HPSE2: variants seen among roughly 807,000 people sequenced by gnomAD.
HPSE2 encodes the protein heparanase 2 (inactive).
Under a neutral mutation model 60.5 loss-of-function variants are expected in HPSE2, and 38 were observed. The ratio of observed to expected loss-of-function variants is 0.63; its 90% CI spans 0.48 to 0.82. The LOEUF (loss-of-function observed/expected upper bound fraction) is 0.82, where lower values mean the gene tolerates loss of function less well. Among genes scored for constraint, HPSE2 ranks in the 40% least tolerant of loss-of-function variants. The pLI is 0.00. For synonymous variants in HPSE2, 295 were observed against 293.2 expected, an observed-to-expected ratio of 1.01 and a Z score of -0.06; for missense variants, 713 against 740.4, an observed-to-expected ratio of 0.96 and a Z score of 0.43.
intron 3 of HPSE2, among the ~76,000 whole-genome samples, chr10:98,828,364 C>G (rs1951601596): frequency 6.6e-6 from 1 of 152,186 alleles, no homozygotes; most frequent in African/African-American, 2.4e-5. Context: ...TCCAAAGTCA[C>G]AAGGCTAAGT....
chr10:98,951,524 G>C (rs1020999904), intron 3 of HPSE2, among the ~76,000 whole-genome samples: 4 of 152,298 alleles, frequency 2.6e-5, no homozygotes, highest in Middle Eastern at 3.4e-3. Context: ...ATTGTGCACA[G>C]GGCCAGGAAG....
At chr10:98,847,421 T>TAA (rs2134717386) in intron 3 of HPSE2, among the ~76,000 whole-genome samples, 1 of 152,258 alleles carries the variant, frequency 6.6e-6, no homozygotes, top group African/African-American at 2.4e-5. Context: ...GCTAGAGAGG[T>TAA]TACACAGGTA....
intron 9 of HPSE2, among the ~76,000 whole-genome samples, chr10:98,550,466 T>C (rs955278427): frequency 7.1e-6 from 1 of 139,958 alleles, no homozygotes; most frequent in Non-Finnish European, 1.5e-5. Flanking sequence ...GCTAATTCTT[T>C]CTTAAATTTT....
At chr10:98,980,810 T>C (rs1956189019) in intron 3 of HPSE2, among the ~76,000 whole-genome samples, 1 of 152,232 alleles carries the variant, frequency 6.6e-6, no homozygotes, top group African/African-American at 2.4e-5. Context: ...TCTAATATTA[T>C]TGCATAGCTC....
intron 3 of HPSE2, among the ~76,000 whole-genome samples, chr10:98,853,518 C>T (rs1952232932): frequency 6.6e-6 from 1 of 152,086 alleles, no homozygotes; most frequent in Non-Finnish European, 1.5e-5. Context: ...CTTATCACCT[C>T]CCCTTTCTTT....
At position 99,062,505 on chromosome 10, in the gene HPSE2, C is replaced by CT. The variant is rs911872694; in HGVS notation, c.610+81732dup. ...AATATTTTGAGAGCATTTTAAATAG[C>CT]TTTTTTTTTCTGTTGCATTTTTCTC... On this transcript the variant is annotated intron_variant, in intron 3 of 11. Transcript: ENST00000370552. Among the ~76,000 whole-genome samples, 333 of 151,338 alleles carry CT rather than the reference C, an allele frequency of 2.2e-3. 5 individuals are homozygous for CT. Among genetic ancestry groups the CT allele is most frequent in the South Asian group, 6.3e-4 (3 of 4,754 alleles).
At chr10:98,591,765 C>G (rs1945097983) in intron 9 of HPSE2, among the ~76,000 whole-genome samples, 1 of 152,012 alleles carries the variant, frequency 6.6e-6, no homozygotes. Context: ...GAAGAAAGCC[C>G]CTTTGCATTT....
the HPSE2 span, among the ~76,000 whole-genome samples, chr10:99,299,983 T>C: frequency 6.6e-6 from 1 of 150,456 alleles, no homozygotes; most frequent in African/African-American, 2.5e-5. Flanking sequence ...CTCTTAAACA[T>C]TGCTTTTGGG....
At chr10:98,644,401 C>T (rs983174014) in intron 6 of HPSE2, among the ~76,000 whole-genome samples, 2 of 152,146 alleles carry the variant, frequency 1.3e-5, no homozygotes, top group Admixed American at 6.5e-5. Context: ...GCATGCTATC[C>T]GCTGTAGAAC....
chr10:99,294,047 T>C, the HPSE2 span, among the ~76,000 whole-genome samples: 2 of 152,180 alleles, frequency 1.3e-5, no homozygotes, highest in African/African-American at 4.8e-5. Flanking sequence ...CTAAACCTAC[T>C]TAGGGCATGA....
chr10:98,842,979 A>C (rs1047745680), intron 3 of HPSE2, among the ~76,000 whole-genome samples: 1 of 152,062 alleles, frequency 6.6e-6, no homozygotes, highest in Admixed American at 6.6e-5. Context: ...TCTTTCACTC[A>C]GTAGTATACA....
At position 98,492,510 on chromosome 10, in the gene HPSE2, CAAAAAAA is replaced by C. The variant is rs10645866; in HGVS notation, c.1321-2321_1321-2315del. ...GAACGAGATTCCGTCTCAAAAAAGACAAAAAAAAAAAAAAAAGAAAAGAAAAGAGATA... is the reference window on the plus strand; with the variant it reads ...GAACGAGATTCCGTCTCAAAAAAGACAAAAAAAAAGAAAAGAAAAGAGATA... On this transcript the variant is annotated intron_variant, in intron 9 of 11. Coordinates refer to ENST00000370552, the MANE Select transcript of HPSE2 (RefSeq NM_021828.5). Among the ~76,000 whole-genome samples the C allele has an allele frequency of 7.1e-5, 8 of 112,148 alleles. No homozygotes were observed. The Admixed American group carries it at 7.5e-4, about 11-fold the overall frequency. The allele number at this position is 112,148 out of a possible 152,430, so 73.6% of individuals were successfully genotyped here.
At chr10:98,462,259 A>G (rs2133579368) in intron 11 of HPSE2, among the ~76,000 whole-genome samples, 1 of 152,126 alleles carries the variant, frequency 6.6e-6, no homozygotes, top group East Asian at 1.9e-4. Context: ...GCTCACTGCA[A>G]CCTCTGCCTC....
At chr10:98,501,072 A>G (rs1302758470) in intron 9 of HPSE2, among the ~76,000 whole-genome samples, 2 of 152,004 alleles carry the variant, frequency 1.3e-5, no homozygotes, top group Non-Finnish European at 1.5e-5. Flanking sequence ...CAACAAAAAA[A>G]AAAGTCCAAG....
intron 3 of HPSE2, among the ~76,000 whole-genome samples, chr10:99,064,749 G>T (rs1233402241): frequency 2.0e-5 from 3 of 150,952 alleles, no homozygotes; most frequent in South Asian, 2.1e-4. Context: ...AAAAATTAAG[G>T]TGATACACAG....
chr10:99,084,952 C>T (rs907069936), intron 3 of HPSE2, among the ~76,000 whole-genome samples: 2 of 152,214 alleles, frequency 1.3e-5, no homozygotes, highest in African/African-American at 4.8e-5. Context: ...TACGTCACAC[C>T]TCCAGCTCAA....
At chr10:98,793,262 TAC>T (rs1950698317) in intron 3 of HPSE2, among the ~76,000 whole-genome samples, 1 of 152,264 alleles carries the variant, frequency 6.6e-6, no homozygotes, top group Admixed American at 6.5e-5. Flanking sequence ...TATAACCAGT[TAC>T]TGCTACTGTT....
At chr10:98,591,810 G>A (rs889453079) in intron 9 of HPSE2, among the ~76,000 whole-genome samples, 1 of 152,126 alleles carries the variant, frequency 6.6e-6, no homozygotes, top group Admixed American at 6.5e-5. Flanking sequence ...TCATTTCAAT[G>A]TATCAGCGCA....
In HPSE2 at chr10:99,164,757, G is replaced by A. The variant is rs1240791301; in HGVS notation, c.449-20358C>T. ...AATTCATTTTAGGCCAGGCGCAGTG[G>A]CGCATGCCTGTATTCCCAGCACTTT... is the stretch of plus-strand genomic sequence containing the variant. On this transcript the variant is annotated intron_variant, in intron 2 of 11. Transcript: ENST00000370552. 2.0e-5 allele frequency among the ~76,000 whole-genome samples: 3 copies of A among 152,124 alleles called. No individual in the cohort carries two copies. In the South Asian group the frequency reaches 6.2e-4, roughly 31 times the overall value.
Sources: gnomAD v4.1 joint callset for allele counts (sites outside exome capture counted in the v4.1 genomes callset) on GRCh38, gnomAD v4.1.1 for gene constraint, MANE v1.5 for transcripts, NCBI Gene and HGNC (gene_info 2026-07-23, HGNC 2026-07-21) for gene names.